Variants in DENND1A observed in about 807,000 individuals in gnomAD.
The protein encoded by DENND1A is DENN domain containing 1A, also known as DENN domain-containing protein 1A.
A neutral mutation model predicts 113.7 loss-of-function variants in DENND1A; 51 were observed. That is an observed-to-expected ratio of 0.45 (90% CI 0.36 to 0.57). DENND1A has a LOEUF of 0.57. Ranked by LOEUF, DENND1A falls within the 20% of genes least tolerant of loss-of-function variation. The pLI is 0.00. For missense variants in DENND1A, 1,258 were observed against 1,395.9 expected, an observed-to-expected ratio of 0.90 and a Z score of 1.57; for synonymous variants, 565 against 570.8, an observed-to-expected ratio of 0.99 and a Z score of 0.14.
At chr9:123,605,462 G>A (rs1286151889) in intron 11 of DENND1A, among the ~76,000 whole-genome samples, 2 of 152,230 alleles carry the variant, frequency 1.3e-5, no homozygotes, top group Non-Finnish European at 1.5e-5. Context: ...GAATCTGGCC[G>A]TGTTTTGGGA....
intron 12 of DENND1A, among the ~76,000 whole-genome samples, chr9:123,568,800 GA>G (rs34187601): frequency 1.3e-5 from 2 of 149,098 alleles, no homozygotes; most frequent in East Asian, 2.0e-4. Flanking sequence ...CTCAGGGGAG[GA>G]AAAAAAAACA....
intron 7 of DENND1A, among the ~76,000 whole-genome samples, chr9:123,667,811 T>C (rs940881887): frequency 2.6e-5 from 4 of 152,110 alleles, no homozygotes; most frequent in African/African-American, 9.7e-5. Context: ...ATCTATAAAA[T>C]GTGGCCAAAA....
intron 11 of DENND1A, among the ~76,000 whole-genome samples, chr9:123,583,655 C>T (rs951069938): frequency 1.3e-5 from 2 of 152,160 alleles, no homozygotes; most frequent in Non-Finnish European, 2.9e-5. Flanking sequence ...TTATGATATC[C>T]CCATTCAATC....
chr9:123,863,117 G>C (rs1400606218), intron 2 of DENND1A, among the ~76,000 whole-genome samples: 1 of 152,194 alleles, frequency 6.6e-6, no homozygotes, highest in South Asian at 2.1e-4. Context: ...GCCCTACTTA[G>C]AGAACTTTGA....
chr9:123,890,978 T>C (rs998228482), intron 1 of DENND1A, among the ~76,000 whole-genome samples: 23 of 152,128 alleles, frequency 1.5e-4, no homozygotes, highest in African/African-American at 5.6e-4. Flanking sequence ...ATGAACCTTA[T>C]TATAGGCCCA....
intron 3 of DENND1A, among the ~76,000 whole-genome samples, chr9:123,790,022 A>G (rs1832773302): frequency 6.6e-6 from 1 of 151,868 alleles, no homozygotes. Context: ...TCTGTGTGGT[A>G]ATAAGTGCTA....
intron 13 of DENND1A, among the ~76,000 whole-genome samples, chr9:123,472,173 G>A (rs535734854): frequency 6.6e-6 from 1 of 152,274 alleles, no homozygotes; most frequent in East Asian, 1.9e-4. Flanking sequence ...TGGGCATCAT[G>A]TCTTGGATGG....
At chr9:123,432,328 G>A (rs2046195613) in intron 19 of DENND1A, among the ~76,000 whole-genome samples, 1 of 152,242 alleles carries the variant, frequency 6.6e-6, no homozygotes, top group African/African-American at 2.4e-5. Flanking sequence ...AAAGGTGAGT[G>A]CACGTGGAAA....
At chr9:123,644,514 C>G (rs774486440) in intron 9 of DENND1A, among the ~76,000 whole-genome samples, 8 of 151,432 alleles carry the variant, frequency 5.3e-5, no homozygotes, top group Non-Finnish European at 1.0e-4. Context: ...TGGCTCTTTA[C>G]AAGAATTTTC....
chr9:123,692,455 A>G (rs2140420939), intron 5 of DENND1A, among the ~76,000 whole-genome samples: 1 of 152,354 alleles, frequency 6.6e-6, no homozygotes, highest in South Asian at 2.1e-4. Context: ...ATTTCATTTC[A>G]AAGACAGAAT....
intron 13 of DENND1A, among the ~76,000 whole-genome samples, chr9:123,496,536 T>C (rs1172945071): frequency 6.6e-6 from 1 of 152,134 alleles, no homozygotes; most frequent in Non-Finnish European, 1.5e-5. Context: ...AGTCCTGAGT[T>C]TTCCTGCTTC....
intron 13 of DENND1A, among the ~76,000 whole-genome samples, chr9:123,533,042 G>A (rs2055457058): frequency 6.6e-6 from 1 of 152,178 alleles, no homozygotes; most frequent in African/African-American, 2.4e-5. Flanking sequence ...AGGAAATGCA[G>A]GGTTACAGCT....
At chr9:123,517,142 A>C (rs910304853) in intron 13 of DENND1A, among the ~76,000 whole-genome samples, 3 of 151,026 alleles carry the variant, frequency 2.0e-5, no homozygotes, top group Non-Finnish European at 2.9e-5. Context: ...AGTCCCAGCT[A>C]CTCGGGAGGC....
At position 123,757,698 on chromosome 9, in the gene DENND1A, C is replaced by T. The variant is rs971201079; in HGVS notation, c.302+5G>A. 6.2e-7 allele frequency: 1 copy of T among 1,613,770 alleles called. No homozygotes were observed. Among genetic ancestry groups the T allele is most frequent in the Non-Finnish European group, 8.5e-7 (1 of 1,179,880 alleles). On this transcript the variant is annotated splice_donor_5th_base_variant and intron_variant, in intron 5 of 23. Transcript: ENST00000394215. ...CAAGCCAACAGCCCAAGCCTTCTCC[C>T]TTACCTTAAGATACAGAAGCAGCTC...
At chr9:123,682,663 G>A (rs1371341934) in intron 5 of DENND1A, among the ~76,000 whole-genome samples, 8 of 152,124 alleles carry the variant, frequency 5.3e-5, no homozygotes, top group Non-Finnish European at 8.8e-5. Flanking sequence ...GTAACCCCGA[G>A]TTTGAATCTT....
chr9:123,753,803 A>G (rs539184712), intron 5 of DENND1A, among the ~76,000 whole-genome samples: 6 of 152,334 alleles, frequency 3.9e-5, no homozygotes, highest in African/African-American at 1.4e-4. Flanking sequence ...GTGTGTAACT[A>G]AAGAATGCAA....
intron 13 of DENND1A, among the ~76,000 whole-genome samples, chr9:123,537,767 A>C (rs1156540848): frequency 6.6e-6 from 1 of 152,262 alleles, no homozygotes. Context: ...TAACACATTC[A>C]AGATACTCAA....
intron 7 of DENND1A, among the ~76,000 whole-genome samples, chr9:123,667,646 G>A (rs2063556122): frequency 6.6e-6 from 1 of 152,116 alleles, no homozygotes; most frequent in Non-Finnish European, 1.5e-5. Flanking sequence ...GTTCAAAGAA[G>A]TTAAATGGCT....
intron 13 of DENND1A, among the ~76,000 whole-genome samples, chr9:123,512,378 C>T (rs768915448): frequency 5.3e-5 from 8 of 152,196 alleles, no homozygotes; most frequent in Non-Finnish European, 5.9e-5. Context: ...GAGTGGGGTG[C>T]GACTGAATGG....
Sources: gnomAD v4.1 joint callset for allele counts (sites outside exome capture counted in the v4.1 genomes callset) on GRCh38, gnomAD v4.1.1 for gene constraint, MANE v1.5 for transcripts, NCBI Gene and HGNC (gene_info 2026-07-23, HGNC 2026-07-21) for gene names.